Variants in ZNF462 observed in about 807,000 individuals in gnomAD.
The protein encoded by ZNF462 is zinc finger protein 462, also known as zinc finger PBX1-interacting protein.
ZNF462 carries 10 observed loss-of-function variants against 201.9 expected under a neutral mutation model. The observed-to-expected ratio is 0.05, with a 90% CI of 0.03 to 0.08. The LOEUF (loss-of-function observed/expected upper bound fraction) is 0.08. ZNF462 is among the 10% of genes least tolerant of loss of function. The probability of loss-of-function intolerance (pLI) is 1.00; values close to 1 mark genes in which losing one functional copy is unlikely to be tolerated. For synonymous variants in ZNF462, 1,227 were observed against 1,193.3 expected, an observed-to-expected ratio of 1.03 and a Z score of -0.58; for missense variants, 2,523 against 3,168.3, an observed-to-expected ratio of 0.80 and a Z score of 4.89.
Position 106,993,137 on chromosome 9 carries a change from T to C in ZNF462, c.7056+8728T>C, listed in dbSNP as rs539603874. Among the ~76,000 whole-genome samples the C allele has an allele frequency of 6.6e-6, 1 of 152,148 alleles. No homozygotes were observed. The highest frequency in any genetic ancestry group is 2.4e-5 in the African/African-American group (1 of 41,438). On this transcript the variant is annotated intron_variant, in intron 10 of 12. Coordinates refer to ENST00000277225, the MANE Select transcript of ZNF462 (RefSeq NM_021224.6). The surrounding 1 kb of genome is among the most constrained non-coding windows in gnomAD (Gnocchi z 4.0). ...AACTATAAGACACGTAGAATGTATT[T>C]TCAGTTAAAGGATTTCATTAAAAAG...
chr9:106,871,006 T>TG (rs1358451725), intron 1 of ZNF462, among the ~76,000 whole-genome samples: 2 of 152,274 alleles, frequency 1.3e-5, no homozygotes, highest in African/African-American at 4.8e-5. Flanking sequence ...TGCCAGAGGC[T>TG]GGGGGGTGGG....
chr9:106,996,390 C>T (rs938967069), intron 10 of ZNF462, among the ~76,000 whole-genome samples: 22 of 152,198 alleles, frequency 1.4e-4, no homozygotes, highest in African/African-American at 5.1e-4. Flanking sequence ...GGAATCACCA[C>T]AGTCTTCCAC....
Position 106,923,132 on chromosome 9 carries a change from T to C in ZNF462, c.-30-222T>C, listed in dbSNP as rs1564100163. Among the ~76,000 whole-genome samples the C allele has an allele frequency of 6.6e-6, 1 of 152,198 alleles. No individual in the cohort carries two copies. Among genetic ancestry groups the C allele is most frequent in the Non-Finnish European group, 1.5e-5 (1 of 68,042 alleles). Reference sequence around the variant, plus strand: ...TTGGAAGACATATCATGCTAGAAAATGTTTATCTGGTATTTTTCCTTCTTT... The same window carrying C: ...TTGGAAGACATATCATGCTAGAAAACGTTTATCTGGTATTTTTCCTTCTTT... On this transcript the variant is annotated intron_variant, in intron 1 of 12. Transcript: ENST00000277225. This position sits in a 1 kb window ranked among gnomAD's most constrained non-coding sequence, Gnocchi z 5.6.
intron 1 of ZNF462, among the ~76,000 whole-genome samples, chr9:106,873,464 C>T (rs1371990408): frequency 1.3e-5 from 2 of 151,844 alleles, no homozygotes; most frequent in Non-Finnish European, 2.9e-5. Context: ...TTCATAGGGC[C>T]CCTTTTGAAG....
At chr9:106,983,348 C>T (rs1827587915) in intron 9 of ZNF462, among the ~76,000 whole-genome samples, 1 of 152,174 alleles carries the variant, frequency 6.6e-6, no homozygotes, top group Admixed American at 6.6e-5. Flanking sequence ...CAAATCCTCC[C>T]TGTCTCCTGC....
chr9:106,994,011 T>C (rs1185835148), intron 10 of ZNF462, among the ~76,000 whole-genome samples: 3 of 152,160 alleles, frequency 2.0e-5, no homozygotes, highest in African/African-American at 7.2e-5. Context: ...AAAGTTTATA[T>C]GCAATACCTT....
Position 106,935,599 on chromosome 9 carries a change from A to G in ZNF462, c.6213A>G (p.Thr2071=). 2 of 1,613,958 alleles carry G rather than the reference A, an allele frequency of 1.2e-6. No homozygotes were observed. The highest frequency in any genetic ancestry group is 1.7e-6 in the Non-Finnish European group (2 of 1,179,892). Residue 2071 remains threonine, a synonymous_variant, in exon 6 of 13, where the codon ACA becomes ACG. Transcript: ENST00000277225. This position sits in a 1 kb window ranked among gnomAD's most constrained non-coding sequence, Gnocchi z 4.1. ...FKSSYNSRLK[T]HILKAHAGEH... is the part of the protein sequence containing the mutation. Reference sequence around the variant, plus strand: ...CCTCCTATAACAGCCGGCTGAAAACACATATACTCAAAGCTCATGCTGGTG... The same window carrying G: ...CCTCCTATAACAGCCGGCTGAAAACGCATATACTCAAAGCTCATGCTGGTG...
In ZNF462 at chr9:106,924,806, C is replaced by T; in HGVS notation, c.894C>T (p.Ser298=). 6.2e-7 allele frequency: 1 copy of T among 1,614,190 alleles called. No individual in the cohort carries two copies. The highest frequency in any genetic ancestry group is 1.1e-5 in the South Asian group (1 of 91,082). ...ACAAGAGTGCCCCCAGCCCCACTTC[C>T]AACTCCACCTATCTGACCATGAATG... ...VPNKSAPSPT[S]NSTYLTMNAA... is the part of the protein sequence containing the mutation. The change falls in exon 3 of 13, where the codon TCC becomes TCT. Residue 298 remains serine, a synonymous_variant. Transcript: ENST00000277225. This position sits in a 1 kb window ranked among gnomAD's most constrained non-coding sequence, Gnocchi z 6.2.
Position 106,966,575 on chromosome 9 carries a change from T to C in ZNF462, c.6428-5430T>C, listed in dbSNP as rs940160572. Among the ~76,000 whole-genome samples the C allele has an allele frequency of 6.6e-6, 1 of 152,140 alleles. No homozygotes were observed. The highest frequency in any genetic ancestry group is 1.5e-5 in the Non-Finnish European group (1 of 67,998). ...CTTCCTTCCCCTGCCTGTTTATAAA[T>C]ACCTCTATTAAAACATTTTGTTTGC... On this transcript the variant is annotated intron_variant, in intron 7 of 12. Transcript: ENST00000277225. The surrounding 1 kb of genome is among the most constrained non-coding windows in gnomAD (Gnocchi z 4.4).
chr9:106,879,989 A>T (rs1828020207), intron 1 of ZNF462, among the ~76,000 whole-genome samples: 1 of 152,174 alleles, frequency 6.6e-6, no homozygotes, highest in Admixed American at 6.5e-5. Flanking sequence ...TGACTCTTGG[A>T]ATCGTGGATC....
chr9:106,976,741 T>G (rs1478605495), intron 9 of ZNF462: 4 of 152,238 alleles, frequency 2.6e-5, no homozygotes, highest in Non-Finnish European at 4.4e-5. Flanking sequence ...TGCCGGTTGC[T>G]TGCCTAGCAG....
At chr9:106,882,445 A>G (rs1326820009) in intron 1 of ZNF462, among the ~76,000 whole-genome samples, 1 of 152,266 alleles carries the variant, frequency 6.6e-6, no homozygotes, top group Non-Finnish European at 1.5e-5. Flanking sequence ...CTAGATTTAT[A>G]GCATTCAATT....
rs1414535206 is a variant in ZNF462 at position 106,886,081 on chromosome 9, A to G, written c.-31+22726A>G. ...AACAAACTAGAACAGTTTGTATTTT[A>G]TTAAATAATAATCAAGAGGTAACTC... On this transcript the variant is annotated intron_variant, in intron 1 of 12. Coordinates refer to ENST00000277225, the MANE Select transcript of ZNF462 (RefSeq NM_021224.6). The surrounding 1 kb of genome is among the most constrained non-coding windows in gnomAD (Gnocchi z 4.6). 6.6e-6 allele frequency among the ~76,000 whole-genome samples: 1 copy of G among 152,240 alleles called. No homozygotes were observed. Among genetic ancestry groups the G allele is most frequent in the African/African-American group, 2.4e-5 (1 of 41,458 alleles).
chr9:106,971,113 T>A (rs967612668), intron 7 of ZNF462, among the ~76,000 whole-genome samples: 1 of 152,200 alleles, frequency 6.6e-6, no homozygotes, highest in Admixed American at 6.5e-5. Context: ...ATTTTAAAAT[T>A]TAAATCACTT....
intron 1 of ZNF462, among the ~76,000 whole-genome samples, chr9:106,879,338 C>CCT (rs56058561): frequency 9.3e-5 from 10 of 107,050 alleles, no homozygotes; most frequent in Admixed American, 4.5e-4. Flanking sequence ...TTCCACCCCC[C>CCT]CCCCCACCCC....
At position 107,009,712 on chromosome 9, in the gene ZNF462, GT is replaced by G; in HGVS notation, c.7313+45del. The G allele has an allele frequency of 1.5e-6, 1 of 669,868 alleles. No homozygotes were observed. The highest frequency in any genetic ancestry group is 1.9e-5 in the African/African-American group (1 of 54,018). 41.5% of individuals were successfully genotyped at this position (669,868 alleles called of 1,614,324 possible). On this transcript the variant is annotated intron_variant, in intron 12 of 12. Transcript: ENST00000277225. The surrounding 1 kb of genome is among the most constrained non-coding windows in gnomAD (Gnocchi z 6.1). ...AGGATGCCTTTGTCCAAAGCAAGAGGTAGGGAGGGAGGGAGGGGCTCTTGTT... is the reference window on the plus strand; with the variant it reads ...AGGATGCCTTTGTCCAAAGCAAGAGGAGGGAGGGAGGGAGGGGCTCTTGTT...
At chr9:106,864,057 T>C (rs949259980) in intron 1 of ZNF462, among the ~76,000 whole-genome samples, 6 of 75,066 alleles carry the variant, frequency 8.0e-5, no homozygotes, top group Non-Finnish European at 1.7e-4. Context: ...TCTCTCTCTC[T>C]CTCTCTCTCT....
chr9:106,942,268 G>A (rs1830906953), intron 7 of ZNF462, among the ~76,000 whole-genome samples: 1 of 152,188 alleles, frequency 6.6e-6, no homozygotes, highest in Non-Finnish European at 1.5e-5. Context: ...TGAAAAGGGA[G>A]GTTCTTTCTA....
rs1828500636 is a variant in ZNF462 at position 106,889,887 on chromosome 9, A to G, written c.-31+26532A>G. On this transcript the variant is annotated intron_variant, in intron 1 of 12. Coordinates refer to ENST00000277225, the MANE Select transcript of ZNF462 (RefSeq NM_021224.6). ...ACGATCAACTCCCCCAAATAAAGCT[A>G]TTTGGATATCTTTCTTGTTATCCAT... 1.3e-5 allele frequency among the ~76,000 whole-genome samples: 2 copies of G among 152,234 alleles called. 1 individual carries two copies. The highest frequency in any genetic ancestry group is 4.1e-4 in the South Asian group (2 of 4,830).
Sources: gnomAD v4.1 joint callset for allele counts (sites outside exome capture counted in the v4.1 genomes callset) on GRCh38, gnomAD v4.1.1 for gene constraint, Gnocchi (gnomAD v3.1) non-coding constraint, MANE v1.5 for transcripts, NCBI Gene and HGNC (gene_info 2026-07-23, HGNC 2026-07-21) for gene names.